The following UGT1A5 variants were observed in gnomAD, a reference collection of about 807,000 sequenced individuals.
UGT1A5 encodes UDP glucuronosyltransferase family 1 member A5, also known as UDP-glucuronosyltransferase 1A5.
Under a neutral mutation model 40.3 loss-of-function variants are expected in UGT1A5, and 29 were observed. The ratio of observed to expected loss-of-function variants is 0.72; its 90% CI spans 0.54 to 0.98. The LOEUF (loss-of-function observed/expected upper bound fraction) is 0.98. Among genes scored for constraint, UGT1A5 ranks in the 50% least tolerant of loss-of-function variants. The pLI, the probability that UGT1A5 is intolerant of heterozygous loss-of-function variation, is 0.00. For synonymous variants in UGT1A5, 257 were observed against 262.5 expected (o/e 0.98, Z 0.20); for missense variants, 678 against 677.9 (o/e 1.00, Z 0.00).
In UGT1A5 at chr2:233,768,348, G is replaced by T; in HGVS notation, c.1216G>T (p.Glu406Ter). 1 of 1,614,198 alleles carries T rather than the reference G, an allele frequency of 6.2e-7. No homozygotes were observed. Among genetic ancestry groups the T allele is most frequent in the Non-Finnish European group, 8.5e-7 (1 of 1,180,042 alleles). The change falls in exon 4 of 5, where the codon GAG becomes TAG. Residue 406 changes from glutamate to a stop codon, truncating the protein, a stop_gained. Coordinates refer to ENST00000373414, the MANE Select transcript of UGT1A5 (RefSeq NM_019078.2). LOFTEE classifies it high-confidence loss of function. The part of the protein sequence containing the change: ...GDQMDNAKRM[E>*]TKGAGVTLNV... ...TCAGATGGACAATGCAAAGCGCATG[G>T]AGACTAAGGGAGCTGGAGTGACCCT...
At chr2:233,737,120 A>C (rs948512181) in intron 1 of UGT1A5, among the ~76,000 whole-genome samples, 9 of 152,336 alleles carry the variant, frequency 5.9e-5, no homozygotes, top group African/African-American at 2.2e-4. Flanking sequence ...CATGTTCAGA[A>C]GTTGTCTGCT....
rs1700557199 is a variant in UGT1A5 at position 233,772,921 on chromosome 2, GT to G, written c.*366del. ...ACGGCTGCCCCTACTGCAAATGGCA[GT>G]TTTAATCTTATCTTTTGGCTTCTGC... On this transcript the variant is annotated 3_prime_UTR_variant, in exon 5 of 5. Coordinates refer to ENST00000373414, the MANE Select transcript of UGT1A5 (RefSeq NM_019078.2). 2.7e-6 allele frequency: 1 copy of G among 366,684 alleles called. No individual in the cohort carries two copies. The highest frequency in any genetic ancestry group is 2.1e-5 in the African/African-American group (1 of 47,608). 22.7% of individuals were successfully genotyped at this position (366,684 alleles called of 1,614,324 possible). A position where few individuals can be genotyped will look rare whatever the true frequency, so the allele number is the denominator to read the frequency against.
At chr2:233,740,584 T>G (rs1401941870) in intron 1 of UGT1A5, 1 of 151,838 alleles carries the variant, frequency 6.6e-6, no homozygotes, top group Non-Finnish European at 1.5e-5. Flanking sequence ...GGGACCCTAA[T>G]GAAATGGTTA....
chr2:233,726,544 G>A (rs543814105), intron 1 of UGT1A5, among the ~76,000 whole-genome samples: 35 of 152,224 alleles, frequency 2.3e-4, no homozygotes, highest in Non-Finnish European at 4.0e-4. Flanking sequence ...GCAGTGCAGC[G>A]TCTTCAAGTC....
At chr2:233,754,155 A>T (rs1695407663) in intron 1 of UGT1A5, 1 of 153,430 alleles carries the variant, frequency 6.5e-6, no homozygotes, top group Admixed American at 6.4e-5. Flanking sequence ...AAATTAAGCC[A>T]GAGTATTAAT....
intron 1 of UGT1A5, among the ~76,000 whole-genome samples, chr2:233,736,234 T>C (rs1035352456): frequency 6.6e-5 from 10 of 152,188 alleles, no homozygotes; most frequent in African/African-American, 2.4e-4. Flanking sequence ...TCTCTAACCT[T>C]GTCTTCTCAC....
intron 1 of UGT1A5, chr2:233,717,765 A>G (rs542569654): frequency 6.4e-5 from 29 of 456,606 alleles, no homozygotes; most frequent in African/African-American, 5.0e-4. Flanking sequence ...AAAGGCACAC[A>G]TTTAATTCTC....
Position 233,713,083 on chromosome 2 carries a change from T to C in UGT1A5, c.92T>C (p.Val31Ala). 6.2e-7 allele frequency: 1 copy of C among 1,614,162 alleles called. No individual in the cohort carries two copies. Among genetic ancestry groups the C allele is most frequent in the Non-Finnish European group, 8.5e-7 (1 of 1,180,032 alleles). Residue 31 changes from valine to alanine, a missense_variant, in exon 1 of 5, where the codon GTG (valine) becomes GCG (alanine). Val to Ala is a moderately conservative substitution (Grantham distance 64). Coordinates refer to ENST00000373414, the MANE Select transcript of UGT1A5 (RefSeq NM_019078.2). ...SVQPWAESGKVLVVPTDGSHW... is the reference protein window; with the variant it reads ...SVQPWAESGKALVVPTDGSHW... ...CAGCCCTGGGCTGAGAGTGGGAAGG[T>C]GCTGGTGGTGCCCACTGATGGCAGC...
intron 1 of UGT1A5, among the ~76,000 whole-genome samples, chr2:233,749,028 G>T (rs564218690): frequency 1.3e-5 from 2 of 151,722 alleles, no homozygotes; most frequent in South Asian, 4.2e-4. Context: ...AATATTTGGG[G>T]TTCATTGATG....
intron 1 of UGT1A5, among the ~76,000 whole-genome samples, chr2:233,745,372 T>A (rs1423074391): frequency 1.3e-5 from 2 of 151,860 alleles, no homozygotes; most frequent in Non-Finnish European, 2.9e-5. Flanking sequence ...AGATCTGAGT[T>A]CTCTTCACCT....
At chr2:233,753,955 A>G (rs892608608) in intron 1 of UGT1A5, among the ~76,000 whole-genome samples, 11 of 152,214 alleles carry the variant, frequency 7.2e-5, no homozygotes, top group Non-Finnish European at 1.6e-4. Context: ...CCTCCAAAAT[A>G]TTAAGAGAAT....
chr2:233,759,167 C>T (rs1180599090), intron 1 of UGT1A5, among the ~76,000 whole-genome samples: 1 of 152,178 alleles, frequency 6.6e-6, no homozygotes, highest in African/African-American at 2.4e-5. Flanking sequence ...ACAAGGCAGG[C>T]AGGTTTCACG....
intron 1 of UGT1A5, chr2:233,760,122 C>T (rs535497865): frequency 2.2e-4 from 285 of 1,291,908 alleles, no homozygotes; most frequent in Non-Finnish European, 2.8e-4. Context: ...TAATAAAGCT[C>T]CACCTTCTTT....
chr2:233,761,574 C>T (rs1697805225), intron 1 of UGT1A5, among the ~76,000 whole-genome samples: 1 of 152,176 alleles, frequency 6.6e-6, no homozygotes, highest in Admixed American at 6.5e-5. Flanking sequence ...TGAAAGTTGC[C>T]TTTGTGACCC....
intron 1 of UGT1A5, chr2:233,747,285 C>T: frequency 6.2e-7 from 1 of 1,601,074 alleles, no homozygotes. Flanking sequence ...GTGCCCAGCC[C>T]TGGGCTGAGA....
At chr2:233,740,343 G>A (rs1691372843) in intron 1 of UGT1A5, among the ~76,000 whole-genome samples, 1 of 151,960 alleles carries the variant, frequency 6.6e-6, no homozygotes, top group African/African-American at 2.4e-5. Flanking sequence ...AAGTTGATGA[G>A]AAAGTGGAAT....
intron 1 of UGT1A5, chr2:233,729,897 C>G: frequency 6.2e-7 from 1 of 1,613,908 alleles, no homozygotes; most frequent in Non-Finnish European, 8.5e-7. Context: ...TGTGGCTGTT[C>G]CGAGGGGACT....
At position 233,768,342 on chromosome 2, in the gene UGT1A5, C is replaced by A. The variant is rs778766461; in HGVS notation, c.1210C>A (p.Arg404Ser). ...LFGDQMDNAK[R>S]METKGAGVTL... ...TGGTGATCAGATGGACAATGCAAAGCGCATGGAGACTAAGGGAGCTGGAGT... is the reference window on the plus strand; with the variant it reads ...TGGTGATCAGATGGACAATGCAAAGAGCATGGAGACTAAGGGAGCTGGAGT... The change falls in exon 4 of 5, where the codon CGC becomes AGC. Residue 404 changes from arginine (R) to serine (S), a missense_variant. By Grantham distance (110) the Arg-to-Ser change is moderately radical. Coordinates refer to ENST00000373414, the MANE Select transcript of UGT1A5 (RefSeq NM_019078.2). 6.2e-7 allele frequency: 1 copy of A among 1,613,974 alleles called. No individual in the cohort carries two copies. Among genetic ancestry groups the A allele is most frequent in the Non-Finnish European group, 8.5e-7 (1 of 1,180,048 alleles).
chr2:233,762,113 A>C (rs1697972454), intron 1 of UGT1A5, among the ~76,000 whole-genome samples: 1 of 152,166 alleles, frequency 6.6e-6, no homozygotes, highest in Non-Finnish European at 1.5e-5. Flanking sequence ...TCCGCTTCAC[A>C]TCATGAGCCA....
Sources: gnomAD v4.1 joint callset for allele counts (sites outside exome capture counted in the v4.1 genomes callset) on GRCh38, gnomAD v4.1.1 for gene constraint, MANE v1.5 for transcripts, NCBI Gene and HGNC (gene_info 2026-07-23, HGNC 2026-07-21) for gene names.